The following KRABD5 variants were observed in gnomAD, a reference collection of about 807,000 sequenced individuals.
KRABD5 encodes KRAB domain-containing protein 5.
the KRABD5 span, among the ~76,000 whole-genome samples, chr16:31,735,794 A>G: frequency 6.6e-6 from 1 of 152,156 alleles, no homozygotes; most frequent in South Asian, 2.1e-4. Flanking sequence ...GAGATTTCAA[A>G]TTTCTTATAT....
the KRABD5 span, chr16:31,759,925 G>C: frequency 1.3e-5 from 2 of 149,180 alleles, no homozygotes; most frequent in East Asian, 4.0e-4. Context: ...ATCTCAGAAT[G>C]TTAGCAGCAT....
At chr16:31,744,132 T>A in the KRABD5 span, among the ~76,000 whole-genome samples, 7 of 152,216 alleles carry the variant, frequency 4.6e-5, no homozygotes, top group Non-Finnish European at 1.0e-4. Flanking sequence ...TCTTGCCTGA[T>A]TGCCCTGGCC....
the KRABD5 span, among the ~76,000 whole-genome samples, chr16:31,750,520 A>C: frequency 6.6e-6 from 1 of 151,974 alleles, no homozygotes; most frequent in Non-Finnish European, 1.5e-5. Flanking sequence ...CTTTTATTTC[A>C]TTCTCTTGAC....
chr16:31,736,975 T>C, the KRABD5 span, among the ~76,000 whole-genome samples: 1 of 152,244 alleles, frequency 6.6e-6, no homozygotes, highest in Non-Finnish European at 1.5e-5. Flanking sequence ...TTTATAGTTA[T>C]TTGTATACAC....
the KRABD5 span, among the ~76,000 whole-genome samples, chr16:31,750,383 T>C: frequency 2.2e-4 from 34 of 152,348 alleles, no homozygotes; most frequent in Non-Finnish European, 4.0e-4. Flanking sequence ...TTTTGTACTT[T>C]GATTTTGTAT....
At chr16:31,761,168 C>T in the KRABD5 span, 1 of 152,070 alleles carries the variant, frequency 6.6e-6, no homozygotes, top group South Asian at 2.1e-4. Context: ...CAATTCATTC[C>T]TCTCTGTATC....
the KRABD5 span, among the ~76,000 whole-genome samples, chr16:31,721,293 G>A: frequency 3.6e-4 from 54 of 152,046 alleles, no homozygotes; most frequent in Admixed American, 2.9e-3. Context: ...ACGTATGTGC[G>A]TGTGACATAA....
the KRABD5 span, among the ~76,000 whole-genome samples, chr16:31,725,108 TTTTA>T: frequency 6.7e-6 from 1 of 150,288 alleles, no homozygotes; most frequent in African/African-American, 2.5e-5. Flanking sequence ...AACATACTGA[TTTTA>T]TTTATTTATT....
At chr16:31,747,988 A>G in the KRABD5 span, among the ~76,000 whole-genome samples, 1 of 152,006 alleles carries the variant, frequency 6.6e-6, no homozygotes, top group Admixed American at 6.6e-5. Flanking sequence ...GAAGCTCTTT[A>G]GTTTAATTAG....
At chr16:31,755,785 G>C in the KRABD5 span, 1 of 338,014 alleles carries the variant, frequency 3.0e-6, no homozygotes, top group Non-Finnish European at 5.8e-6. Flanking sequence ...AGAGTTTATA[G>C]GGAAACCGAC....
the KRABD5 span, among the ~76,000 whole-genome samples, chr16:31,751,030 G>GATT: frequency 3.3e-5 from 5 of 152,348 alleles, no homozygotes; most frequent in South Asian, 1.0e-3. Context: ...AGAGTGCTGG[G>GATT]ATTACAGGTG....
the KRABD5 span, among the ~76,000 whole-genome samples, chr16:31,727,876 A>G: frequency 2.6e-5 from 4 of 151,942 alleles, no homozygotes; most frequent in Admixed American, 6.6e-5. Flanking sequence ...TTATTTATTT[A>G]TTTGAGACAG....
chr16:31,747,135 A>C, the KRABD5 span, among the ~76,000 whole-genome samples: 433 of 95,914 alleles, frequency 4.5e-3, 1 homozygote, highest in African/African-American at 0.012. Flanking sequence ...TGCTATCCCT[A>C]CCCCCTCCCC....
the KRABD5 span, among the ~76,000 whole-genome samples, chr16:31,727,134 G>A: frequency 6.6e-6 from 1 of 152,120 alleles, no homozygotes; most frequent in Admixed American, 6.5e-5. Flanking sequence ...GTAATTTTGT[G>A]ACCTCAGCTT....
At chr16:31,745,495 T>C in the KRABD5 span, among the ~76,000 whole-genome samples, 1 of 152,226 alleles carries the variant, frequency 6.6e-6, no homozygotes, top group Non-Finnish European at 1.5e-5. Flanking sequence ...CTGTTTGTTA[T>C]GATTTCAGTT....
chr16:31,727,813 C>T, the KRABD5 span, among the ~76,000 whole-genome samples: 1 of 151,996 alleles, frequency 6.6e-6, no homozygotes, highest in Non-Finnish European at 1.5e-5. Context: ...TCTTATTATT[C>T]TTTGTGTGTT....
At chr16:31,721,014 TAAC>T in the KRABD5 span, among the ~76,000 whole-genome samples, 1 of 152,310 alleles carries the variant, frequency 6.6e-6, no homozygotes, top group South Asian at 2.1e-4. Flanking sequence ...CAGAGAAAGA[TAAC>T]AACAATTAAC....
the KRABD5 span, among the ~76,000 whole-genome samples, chr16:31,726,708 C>A: frequency 6.6e-6 from 1 of 152,084 alleles, no homozygotes; most frequent in African/African-American, 2.4e-5. Flanking sequence ...TGCAGTGAGC[C>A]AAGATCACGC....
At chr16:31,714,496 A>T in the KRABD5 span, 2 of 450,128 alleles carry the variant, frequency 4.4e-6, no homozygotes, top group African/African-American at 4.0e-5. Context: ...ATCCTGGGGT[A>T]GGTTTTAGAG....
Sources: allele counts gnomAD v4.1 joint callset (sites outside exome capture counted in the v4.1 genomes callset), GRCh38; gene constraint gnomAD v4.1.1; transcripts MANE v1.5; gene names NCBI Gene and HGNC (gene_info 2026-07-23, HGNC 2026-07-21).